Variants in DACH1 observed in about 807,000 individuals in gnomAD.
The protein encoded by DACH1 is dachshund homolog 1.
A neutral mutation model predicts 54.2 loss-of-function variants in DACH1; 12 were observed. The observed-to-expected ratio is 0.22, with a 90% CI of 0.14 to 0.36. The LOEUF (loss-of-function observed/expected upper bound fraction) is 0.36, where lower values mean the gene tolerates loss of function less well. Among genes scored for constraint, DACH1 ranks in the 10% least tolerant of loss-of-function variants. The probability of loss-of-function intolerance (pLI) is 1.00; values close to 1 mark genes in which losing one functional copy is unlikely to be tolerated. For synonymous variants in DACH1, 386 were observed against 366.2 expected, an observed-to-expected ratio of 1.05 and a Z score of -0.62; for missense variants, 805 against 929.8, an observed-to-expected ratio of 0.87 and a Z score of 1.75.
intron 6 of DACH1, among the ~76,000 whole-genome samples, chr13:71,515,870 T>C (rs1881116485): frequency 6.6e-6 from 1 of 151,862 alleles, no homozygotes; most frequent in Non-Finnish European, 1.5e-5. Context: ...ATTAGACAAA[T>C]TCACAGGGTA....
At chr13:71,789,164 A>T (rs1051397762) in intron 1 of DACH1, among the ~76,000 whole-genome samples, 16 of 152,174 alleles carry the variant, frequency 1.1e-4, no homozygotes, top group Admixed American at 4.6e-4. Context: ...CTCAAAAGTT[A>T]TTTAATTCTG....
chr13:71,508,333 C>T (rs1286371107), intron 6 of DACH1, among the ~76,000 whole-genome samples: 1 of 152,114 alleles, frequency 6.6e-6, no homozygotes, highest in Non-Finnish European at 1.5e-5. Flanking sequence ...CTTCTGTTCC[C>T]TCTCATGATG....
chr13:71,743,070 G>A (rs889413928), intron 1 of DACH1, among the ~76,000 whole-genome samples: 1 of 152,128 alleles, frequency 6.6e-6, no homozygotes, highest in African/African-American at 2.4e-5. Context: ...GGACATAGTA[G>A]AATGAGTTTC....
chr13:71,683,749 C>CCT (rs1195245456), intron 1 of DACH1, among the ~76,000 whole-genome samples: 3 of 152,010 alleles, frequency 2.0e-5, no homozygotes, highest in Non-Finnish European at 4.4e-5. Flanking sequence ...AATCAACAGC[C>CCT]CTCTGATAGT....
intron 1 of DACH1, among the ~76,000 whole-genome samples, chr13:71,763,027 T>C (rs948679451): frequency 6.6e-6 from 1 of 152,172 alleles, no homozygotes; most frequent in African/African-American, 2.4e-5. Flanking sequence ...CCCCCATGTA[T>C]GTTGCTTTGA....
chr13:71,445,018 A>C (rs1874323666), intron 10 of DACH1, among the ~76,000 whole-genome samples: 1 of 152,090 alleles, frequency 6.6e-6, no homozygotes, highest in African/African-American at 2.4e-5. Flanking sequence ...TATCACCCTA[A>C]GAATTACTCT....
intron 1 of DACH1, among the ~76,000 whole-genome samples, chr13:71,783,194 T>C (rs1392285844): frequency 6.6e-6 from 1 of 152,110 alleles, no homozygotes; most frequent in East Asian, 1.9e-4. Context: ...AGGTCTAACA[T>C]CAAAACCTAA....
intron 6 of DACH1, among the ~76,000 whole-genome samples, chr13:71,489,922 A>G (rs1878846911): frequency 6.6e-6 from 1 of 152,154 alleles, no homozygotes; most frequent in African/African-American, 2.4e-5. Context: ...TTTTTAAGCA[A>G]TTTAGAGTAA....
intron 1 of DACH1, among the ~76,000 whole-genome samples, chr13:71,720,174 T>A (rs1488673333): frequency 6.6e-6 from 1 of 152,132 alleles, no homozygotes; most frequent in Non-Finnish European, 1.5e-5. Flanking sequence ...GCAAATGGAC[T>A]AGTGAGTGCA....
chr13:71,641,317 A>G (rs1356519088), intron 2 of DACH1, among the ~76,000 whole-genome samples: 2 of 152,198 alleles, frequency 1.3e-5, no homozygotes, highest in African/African-American at 4.8e-5. Flanking sequence ...TTCTAAGTGG[A>G]GGTCAAAGTC....
At chr13:71,568,889 G>A (rs770627926) in intron 4 of DACH1, among the ~76,000 whole-genome samples, 1 of 151,950 alleles carries the variant, frequency 6.6e-6, no homozygotes, top group Non-Finnish European at 1.5e-5. Flanking sequence ...GATATTTAGC[G>A]AGAGAGAGAC....
In DACH1 at chr13:71,561,815, A is replaced by G. The variant is rs141091549; in HGVS notation, c.1300-1860T>C. On this transcript the variant is annotated intron_variant, in intron 4 of 10. Transcript: ENST00000613252. The stretch of plus-strand genomic sequence containing the variant: ...CTCTTTTAATTTTTCAATGATGTAC[A>G]TTGCCAATAAACATCTTCAACAGAT... 5.1e-3 allele frequency among the ~76,000 whole-genome samples: 778 copies of G among 152,306 alleles called. 8 individuals are homozygous for G. Among genetic ancestry groups the G allele is most frequent in the African/African-American group, 0.017 (719 of 41,572 alleles).
At chr13:71,847,220 T>C (rs1215192428) in intron 1 of DACH1, among the ~76,000 whole-genome samples, 3 of 152,180 alleles carry the variant, frequency 2.0e-5, no homozygotes, top group African/African-American at 4.8e-5. Context: ...TATATTTTCA[T>C]TTGTTTGTTT....
chr13:71,488,861 TA>T (rs201789334), intron 7 of DACH1, 135 bp downstream of exon 7: 7,069 of 637,500 alleles, frequency 0.011, 77 homozygotes, highest in Middle Eastern at 0.036. Flanking sequence ...GTTTAAAATC[TA>T]AGTTGCTTGA....
chr13:71,679,078 G>A (rs1254667702), intron 2 of DACH1, among the ~76,000 whole-genome samples: 1 of 152,028 alleles, frequency 6.6e-6, no homozygotes, highest in Non-Finnish European at 1.5e-5. Context: ...CAGAAGTCCT[G>A]GTTTCTGGGT....
chr13:71,788,595 C>T (rs922827218), intron 1 of DACH1, among the ~76,000 whole-genome samples: 1 of 152,036 alleles, frequency 6.6e-6, no homozygotes, highest in African/African-American at 2.4e-5. Flanking sequence ...CCCCCCCACA[C>T]ACACACCTTC....
chr13:71,722,328 G>GA (rs1883267059), intron 1 of DACH1, among the ~76,000 whole-genome samples: 1 of 152,028 alleles, frequency 6.6e-6, no homozygotes, highest in African/African-American at 2.4e-5. Flanking sequence ...CCTTCTTTTA[G>GA]AAAAAATAAT....
At chr13:71,541,303 T>C (rs2138331604) in intron 6 of DACH1, among the ~76,000 whole-genome samples, 1 of 152,194 alleles carries the variant, frequency 6.6e-6, no homozygotes. Flanking sequence ...CTCAAAGAAG[T>C]ATTTTTATAG....
At chr13:71,712,912 T>C (rs753700588) in intron 1 of DACH1, among the ~76,000 whole-genome samples, 1 of 152,072 alleles carries the variant, frequency 6.6e-6, no homozygotes, top group Non-Finnish European at 1.5e-5. Context: ...TCACTGAATA[T>C]GTTTGAGGAT....
Sources: gnomAD v4.1 joint callset for allele counts (sites outside exome capture counted in the v4.1 genomes callset) on GRCh38, gnomAD v4.1.1 for gene constraint, MANE v1.5 for transcripts, NCBI Gene and HGNC (gene_info 2026-07-23, HGNC 2026-07-21) for gene names.